Variants in EEF1B2 observed in about 807,000 individuals in gnomAD.
The protein encoded by EEF1B2 is elongation factor 1-beta.
A neutral mutation model predicts 28.3 loss-of-function variants in EEF1B2; 12 were observed. The observed-to-expected ratio is 0.42, with a 90% CI of 0.27 to 0.69. The LOEUF (loss-of-function observed/expected upper bound fraction) is 0.69. EEF1B2 is among the 30% of genes least tolerant of loss of function. The pLI is 0.22. For synonymous variants in EEF1B2, 83 were observed against 99.9 expected, an observed-to-expected ratio of 0.83 and a Z score of 1.01; for missense variants, 234 against 272.6, an observed-to-expected ratio of 0.86 and a Z score of 1.00.
Position 206,160,443 on chromosome 2 carries a change from A to G in EEF1B2, c.81-145A>G, listed in dbSNP as rs1687883091. 7 of 1,407,790 alleles carry G rather than the reference A, an allele frequency of 5.0e-6. No homozygotes were observed. In the East Asian group the frequency reaches 9.5e-5, roughly 19 times the overall value. The allele number at this position is 1,407,790 out of a possible 1,614,324, so 87.2% of individuals were successfully genotyped here. A position where few individuals can be genotyped will look rare whatever the true frequency, so the allele number is the denominator to read the frequency against. ...GACCCAAACATATGGTTTGATTTGA[A>G]GGAGCTAATAAGAAAAGAAAAGCAT... On this transcript the variant is annotated intron_variant, in intron 1 of 5. Transcript: ENST00000392222.
rs546602458 is a variant in EEF1B2, at chr2:206,161,307, T to A, written c.204-39T>A. On this transcript the variant is annotated intron_variant, in intron 2 of 5. Transcript: ENST00000392222. ...TTGTATTTTCTGGAAAAGGATGTTA[T>A]ACTAGCTCAATAGTGGTTGAATTTA... 9.3e-6 allele frequency: 15 copies of A among 1,610,678 alleles called. No homozygotes were observed. In the South Asian group the frequency reaches 1.5e-4, roughly 17 times the overall value.
At position 206,161,352 on chromosome 2, in the gene EEF1B2, A is replaced by G. The variant is rs1335863095; in HGVS notation, c.210A>G (p.Pro70=). The G allele has an allele frequency of 1.2e-6, 2 of 1,613,950 alleles. No individual in the cohort carries two copies. Among genetic ancestry groups the G allele is most frequent in the Non-Finnish European group, 1.7e-6 (2 of 1,180,018 alleles). Residue 70 remains proline, a synonymous_variant, in exon 3 of 6, where the codon CCA becomes CCG. Transcript: ENST00000392222. Reference sequence around the variant, plus strand: ...AATTTAAATGTTTTTCAAGCCTGCCAGGAGTGAAGAAAGCTTTGGGCAAAT... The same window carrying G: ...AATTTAAATGTTTTTCAAGCCTGCCGGGAGTGAAGAAAGCTTTGGGCAAAT... ...KSYEKEKASL[P]GVKKALGKYG...
At chr2:206,160,441 G>T in intron 1 of EEF1B2, 147 bp from the exon 2 acceptor site, 1 of 1,400,666 alleles carries the variant, frequency 7.1e-7, no homozygotes, top group African/African-American at 1.4e-5. Flanking sequence ...GGTTTGATTT[G>T]AAGGAGCTAA....
chr2:206,160,007 G>T lies in EEF1B2; in HGVS notation c.28G>T (p.Ala10Ser), dbSNP rs753284358. Reference sequence around the variant, plus strand: ...GGGTTTCGGAGACCTGAAAAGCCCTGCCGGCCTCCAGGTGCTCAACGATTA... The same window carrying T: ...GGGTTTCGGAGACCTGAAAAGCCCTTCCGGCCTCCAGGTGCTCAACGATTA... MGFGDLKSPAGLQVLNDYLA... is the reference protein window; with the variant it reads MGFGDLKSPSGLQVLNDYLA... The change falls in exon 1 of 6, where the codon GCC (alanine) becomes TCC (serine). Residue 10 changes from alanine (A) to serine (S), a missense_variant. Around this residue, in one of 2 missense-constraint regions of EEF1B2, gnomAD observed 178 missense variants for 173.3 expected, o/e 1.03. Transcript: ENST00000392222. 1 of 1,613,258 alleles carries T rather than the reference G, an allele frequency of 6.2e-7. No homozygotes were observed. Among genetic ancestry groups the T allele is most frequent in the South Asian group, 1.1e-5 (1 of 91,048 alleles).
rs183747560 is a variant in EEF1B2, at chr2:206,160,120, G to T, written c.80+61G>T. 4.3e-5 allele frequency: 67 copies of T among 1,575,870 alleles called. 1 individual carries two copies. The East Asian group carries it at 5.3e-4, about 13-fold the overall frequency. ...TTTCTCCGCCCGGGGCCGGGGCCACGTGGCGCAGCGTGTCGGCTGCCGCGG... is the reference window on the plus strand; with the variant it reads ...TTTCTCCGCCCGGGGCCGGGGCCACTTGGCGCAGCGTGTCGGCTGCCGCGG... On this transcript the variant is annotated intron_variant, in intron 1 of 5. Transcript: ENST00000392222.
chr2:206,160,793 G>A (rs1687902515), intron 2 of EEF1B2, 83 bp downstream of exon 2: 2 of 1,607,316 alleles, frequency 1.2e-6, no homozygotes, highest in Non-Finnish European at 1.7e-6. Flanking sequence ...ACTGGACCCA[G>A]GCTACTTTAG....
intron 5 of EEF1B2, 50 bp from the exon 6 acceptor site, chr2:206,162,679 C>CT: frequency 6.4e-7 from 1 of 1,562,456 alleles, no homozygotes; most frequent in South Asian, 1.1e-5. Context: ...CAGTTTCAAC[C>CT]TTTCCTACAA....
rs779873924 is a variant in EEF1B2, at chr2:206,160,693, C to G, written c.186C>G (p.Tyr62Ter). The change falls in exon 2 of 6, where the codon TAC becomes TAG. Residue 62 changes from tyrosine to a stop codon, truncating the protein, a stop_gained. Coordinates refer to ENST00000392222, the MANE Select transcript of EEF1B2 (RefSeq NM_001959.4). LOFTEE classifies it high-confidence loss of function. ...ALRWYNHIKS[Y>*]EKEKASLPGV... ...GTTGGTATAATCACATCAAGTCTTA[C>G]GAAAAGGAAAAGGCCAGGTAAAATC... is the stretch of plus-strand genomic sequence containing the variant. The G allele has an allele frequency of 1.9e-6, 3 of 1,613,932 alleles. No homozygotes were observed. Among genetic ancestry groups the G allele is most frequent in the Non-Finnish European group, 2.5e-6 (3 of 1,180,008 alleles).
chr2:206,160,668 G>T lies in EEF1B2; in HGVS notation c.161G>T (p.Arg54Leu). Residue 54 changes from arginine (R) to leucine (L), a missense_variant, in exon 2 of 6, where the codon CGT (arginine) becomes CTT (leucine). By Grantham distance (102) the Arg-to-Leu change is moderately radical. Transcript: ENST00000392222. Reference sequence around the variant, plus strand: ...CCTGCCGACTTGTGTCATGCCCTACGTTGGTATAATCACATCAAGTCTTAC... The same window carrying T: ...CCTGCCGACTTGTGTCATGCCCTACTTTGGTATAATCACATCAAGTCTTAC... ...PPPADLCHAL[R>L]WYNHIKSYEK... 6.2e-7 allele frequency: 1 copy of T among 1,614,060 alleles called. No individual in the cohort carries two copies. Among genetic ancestry groups the T allele is most frequent in the Non-Finnish European group, 8.5e-7 (1 of 1,180,028 alleles).
At chr2:206,162,377 G>A in intron 4 of EEF1B2, 112 bp from the exon 5 acceptor site, 1 of 1,542,190 alleles carries the variant, frequency 6.5e-7, no homozygotes. Context: ...CTGTAGTTTT[G>A]TTTGGCTAAG....
intron 3 of EEF1B2, among the ~76,000 whole-genome samples, 181 bp downstream of exon 3, chr2:206,161,653 C>G (rs1687936212): frequency 6.6e-6 from 1 of 152,090 alleles, no homozygotes; most frequent in South Asian, 2.1e-4. Context: ...CATCTGTAAT[C>G]CCAGCTACTC....
chr2:206,161,090 G>A, intron 2 of EEF1B2: 1 of 573,784 alleles, frequency 1.7e-6, no homozygotes, highest in East Asian at 3.3e-5. Flanking sequence ...CATACTTAAT[G>A]AAATCTCAAA....
chr2:206,160,177 G>A, intron 1 of EEF1B2, 118 bp downstream of exon 1: 1 of 1,294,410 alleles, frequency 7.7e-7, no homozygotes, highest in Non-Finnish European at 1.1e-6. Context: ...GGGCCCTTTC[G>A]AGAGGGAGGG....
intron 4 of EEF1B2, 137 bp downstream of exon 4, chr2:206,162,241 G>A (rs1220040663): frequency 1.9e-6 from 2 of 1,078,968 alleles, no homozygotes; most frequent in African/African-American, 1.5e-5. Flanking sequence ...CACAGCTACT[G>A]GTCTGCAGCT....
upstream of EEF1B2, chr2:206,159,882 G>A (rs1396599830): frequency 2.9e-6 from 4 of 1,391,392 alleles, no homozygotes; most frequent in Non-Finnish European, 3.9e-6. Context: ...GGAATTTTCC[G>A]GTCTCTTCGG....
At chr2:206,161,607 CCTGT>C in intron 3 of EEF1B2, 135 bp downstream of exon 3, 1 of 1,110,436 alleles carries the variant, frequency 9.0e-7, no homozygotes, top group Non-Finnish European at 1.3e-6. Flanking sequence ...ATGGTGAAAC[CCTGT>C]CTGTACTAAA....
At position 206,159,936 on chromosome 2, in the gene EEF1B2, G is replaced by A. The variant is rs1250603480; in HGVS notation, c.-44G>A. ...AGCGTGGGGCGCCCACAATTTGCGCGCTCTCTTTCTGCTGCTCCCCAGCTC... is the reference window on the plus strand; with the variant it reads ...AGCGTGGGGCGCCCACAATTTGCGCACTCTCTTTCTGCTGCTCCCCAGCTC... On this transcript the variant is annotated 5_prime_UTR_variant, in exon 1 of 6. Coordinates refer to ENST00000392222, the MANE Select transcript of EEF1B2 (RefSeq NM_001959.4). The A allele has an allele frequency of 6.3e-7, 1 of 1,595,746 alleles. No individual in the cohort carries two copies. Among genetic ancestry groups the A allele is most frequent in the Non-Finnish European group, 8.5e-7 (1 of 1,173,002 alleles).
In EEF1B2 at chr2:206,162,039, A is replaced by C; in HGVS notation, c.332A>C (p.Glu111Ala). 1.2e-6 allele frequency: 2 copies of C among 1,613,874 alleles called. No individual in the cohort carries two copies. The highest frequency in any genetic ancestry group is 3.3e-5 in the Admixed American group (2 of 60,014). ...IDLFGSDDEEESEEAKRLREE... is the reference protein window; with the variant it reads ...IDLFGSDDEEASEEAKRLREE... ...TGGATTAATTTTTTTTCTTTACAGG[A>C]AAGTGAAGAAGCAAAGAGGCTAAGG... Residue 111 changes from glutamate to alanine, a missense_variant and splice_region_variant, in exon 4 of 6, where the codon GAA becomes GCA. Glu to Ala is a moderately radical substitution (Grantham distance 107). Around this residue, in one of 2 missense-constraint regions of EEF1B2, gnomAD observed 178 missense variants for 173.3 expected, o/e 1.03. Coordinates refer to ENST00000392222, the MANE Select transcript of EEF1B2 (RefSeq NM_001959.4).
At chr2:206,159,887 C>T (rs1005297030), upstream of EEF1B2, 9 of 1,459,660 alleles carry the variant, frequency 6.2e-6, no homozygotes, top group African/African-American at 5.8e-5. Context: ...TTTCCGGTCT[C>T]TTCGGGTCCT....
Sources: gnomAD v4.1 joint callset for allele counts (sites outside exome capture counted in the v4.1 genomes callset) on GRCh38, gnomAD v4.1.1 for gene constraint, gnomAD v4.1.1 regional missense constraint, MANE v1.5 for transcripts, NCBI Gene and HGNC (gene_info 2026-07-23, HGNC 2026-07-21) for gene names.